Variants in RGS13 observed in about 807,000 individuals in gnomAD.
RGS13 encodes the protein regulator of G protein signaling 13, also known as regulator of G-protein signalling 13.
In RGS13, 14 loss-of-function variants were observed where a neutral mutation model predicts 19.9. The observed-to-expected ratio is 0.70, with a 90% CI of 0.46 to 1.10. The LOEUF is 1.10. RGS13 is among the 50% of genes least tolerant of loss of function. RGS13 has a pLI of 0.00. For synonymous variants in RGS13, 60 were observed against 56.8 expected, an observed-to-expected ratio of 1.06 and a Z score of -0.25; for missense variants, 205 against 187.1, an observed-to-expected ratio of 1.10 and a Z score of -0.56.
intron 3 of RGS13, among the ~76,000 whole-genome samples, chr1:192,641,241 AAAGAAAAGAAAG>A (rs1223694076): frequency 3.3e-5 from 3 of 90,130 alleles, no homozygotes; most frequent in Non-Finnish European, 6.7e-5. Flanking sequence ...AGAAAGAAAG[AAAGAAAAGAAAG>A]AAAAGAAAGA....
intron 3 of RGS13, 50 bp from the exon 4 acceptor site, chr1:192,644,279 TAC>T (rs2102031256): frequency 7.7e-7 from 1 of 1,299,792 alleles, no homozygotes; most frequent in African/African-American, 1.5e-5. Flanking sequence ...GACTGTAACA[TAC>T]AATTATTTTA....
chr1:192,641,861 C>A (rs544202684), intron 3 of RGS13, among the ~76,000 whole-genome samples: 1 of 152,288 alleles, frequency 6.6e-6, no homozygotes, highest in African/African-American at 2.4e-5. Context: ...TCTCTCACCT[C>A]AACTTGTTCT....
chr1:192,654,562 C>G lies in RGS13; in HGVS notation c.128-3639C>G, dbSNP rs531033473. On this transcript the variant is annotated intron_variant, in intron 5 of 6. Coordinates refer to ENST00000391995, the MANE Select transcript of RGS13 (RefSeq NM_002927.5). ...GGTAGAATTATGAAGTACATTATCC[C>G]CAGTGGTACAGATTGAAAATAAAAT... Among the ~76,000 whole-genome samples, 22 of 152,022 alleles carry G rather than the reference C, an allele frequency of 1.4e-4. No individual in the cohort carries two copies. The East Asian group carries it at 3.7e-3, about 25-fold the overall frequency.
intron 5 of RGS13, among the ~76,000 whole-genome samples, chr1:192,655,902 G>A (rs10921229): frequency 6.6e-6 from 1 of 151,702 alleles, no homozygotes; most frequent in Non-Finnish European, 1.5e-5. Flanking sequence ...CAGATAGATA[G>A]ACAAATAGAT....
intron 3 of RGS13, among the ~76,000 whole-genome samples, chr1:192,638,503 T>C (rs761237852): frequency 9.9e-5 from 15 of 152,004 alleles, no homozygotes; most frequent in Non-Finnish European, 1.5e-4. Context: ...TCCAACAAAA[T>C]AGTGGTACAT....
intron 5 of RGS13, among the ~76,000 whole-genome samples, chr1:192,649,757 C>T (rs1441312075): frequency 6.6e-6 from 1 of 152,134 alleles, no homozygotes; most frequent in Non-Finnish European, 1.5e-5. Flanking sequence ...TCCTTTTCAT[C>T]TCTAGTTACT....
At chr1:192,643,598 T>A in intron 3 of RGS13, among the ~76,000 whole-genome samples, 1 of 152,292 alleles carries the variant, frequency 6.6e-6, no homozygotes, top group South Asian at 2.1e-4. Flanking sequence ...ATTTACACTA[T>A]TTTACTTGTC....
Position 192,658,200 on chromosome 1 carries a change from G to C in RGS13, c.128-1G>C, listed in dbSNP as rs766971831. On this transcript the variant is annotated splice_acceptor_variant, in intron 5 of 6. Coordinates refer to ENST00000391995, the MANE Select transcript of RGS13 (RefSeq NM_002927.5). LOFTEE classifies it high-confidence loss of function. The stretch of plus-strand genomic sequence containing the variant: ...TAAACTGATTTCTCCTCTACTTTTA[G>C]ATGGTCCAGTAGTCTATGCAGCATA... 1.3e-6 allele frequency: 2 copies of C among 1,591,290 alleles called. No individual in the cohort carries two copies. Among genetic ancestry groups the C allele is most frequent in the Non-Finnish European group, 8.5e-7 (1 of 1,169,652 alleles).
chr1:192,644,592 C>T, intron 4 of RGS13, 193 bp downstream of exon 4: 1 of 512,178 alleles, frequency 2.0e-6, no homozygotes, highest in Non-Finnish European at 3.5e-6. Flanking sequence ...ATGGTTTACA[C>T]TTGAGAATTC....
At chr1:192,644,583 T>C (rs1332885838) in intron 4 of RGS13, 184 bp downstream of exon 4, 1 of 532,492 alleles carries the variant, frequency 1.9e-6, no homozygotes, top group East Asian at 3.0e-5. Context: ...TCATTATTCA[T>C]GGTTTACACT....
At chr1:192,641,222 G>GAGAGAA (rs1663102665) in intron 3 of RGS13, among the ~76,000 whole-genome samples, 2 of 64,850 alleles carry the variant, frequency 3.1e-5, no homozygotes, top group Non-Finnish European at 6.9e-5. Context: ...GAAAGAAAGA[G>GAGAGAA]AGAAAGAAAG....
chr1:192,658,785 C>A, intron 6 of RGS13: 1 of 171,276 alleles, frequency 5.8e-6, no homozygotes, highest in Non-Finnish European at 1.3e-5. Flanking sequence ...AGACAGAGGA[C>A]AGTATATGAG....
chr1:192,655,808 CTATAA>C (rs1464856149), intron 5 of RGS13, among the ~76,000 whole-genome samples: 2 of 151,720 alleles, frequency 1.3e-5, no homozygotes, highest in African/African-American at 4.8e-5. Context: ...ACAACTGGAT[CTATAA>C]TATGTGTATT....
intron 4 of RGS13, chr1:192,646,897 C>A (rs763851926): frequency 2.0e-5 from 3 of 152,126 alleles, no homozygotes; most frequent in Non-Finnish European, 4.4e-5. Context: ...AGAATACAGT[C>A]ATTTGCCAAT....
intron 3 of RGS13, among the ~76,000 whole-genome samples, chr1:192,641,279 AAAGAAAGAAAG>A (rs1198899742): frequency 8.7e-6 from 1 of 114,822 alleles, no homozygotes; most frequent in African/African-American, 2.6e-5. Context: ...AGAAAGAAAG[AAAGAAAGAAAG>A]AAAGAAAGAA....
At chr1:192,651,723 T>G (rs1462577080) in intron 5 of RGS13, among the ~76,000 whole-genome samples, 2 of 151,894 alleles carry the variant, frequency 1.3e-5, no homozygotes, top group African/African-American at 4.8e-5. Flanking sequence ...ATGGAAGTAC[T>G]CTGGTTATTT....
rs757076213 is a variant in RGS13 at position 192,658,213 on chromosome 1, T to A, written c.140T>A (p.Val47Asp). The change falls in exon 6 of 7, where the codon GTC (valine) becomes GAC (aspartate). Residue 47 changes from valine (V) to aspartate (D), a missense_variant. Transcript: ENST00000391995. ...CCTCTACTTTTAGATGGTCCAGTAG[T>A]CTATGCAGCATATTTAAAAATGGAG... ...NLMATKYGPV[V>D]YAAYLKMEHS... 1 of 1,612,572 alleles carries A rather than the reference T, an allele frequency of 6.2e-7. No individual in the cohort carries two copies. Among genetic ancestry groups the A allele is most frequent in the South Asian group, 1.1e-5 (1 of 90,910 alleles).
chr1:192,647,386 T>G (rs570258727), intron 4 of RGS13: 1 of 152,206 alleles, frequency 6.6e-6, no homozygotes, highest in East Asian at 1.9e-4. Flanking sequence ...AAAATCAATA[T>G]GCTGTTTGAC....
intron 5 of RGS13, among the ~76,000 whole-genome samples, chr1:192,653,988 A>G (rs1028765426): frequency 2.0e-5 from 3 of 151,926 alleles, no homozygotes; most frequent in African/African-American, 7.3e-5. Context: ...GCATTAGGAG[A>G]TATACCTAAT....
Sources: allele counts gnomAD v4.1 joint callset (sites outside exome capture counted in the v4.1 genomes callset), GRCh38; gene constraint gnomAD v4.1.1; transcripts MANE v1.5; gene names NCBI Gene and HGNC (gene_info 2026-07-23, HGNC 2026-07-21).